CPLX2: variants seen among roughly 807,000 people sequenced by gnomAD.
CPLX2 encodes complexin-2.
Under a neutral mutation model 16.3 loss-of-function variants are expected in CPLX2, and 5 were observed. The observed-to-expected ratio is 0.31, with a 90% confidence interval of 0.16 to 0.64. CPLX2 has a LOEUF of 0.64. CPLX2 is among the 30% of genes least tolerant of loss of function. CPLX2 has a pLI of 0.79. For synonymous variants in CPLX2, 89 were observed against 73.2 expected, an observed-to-expected ratio of 1.22 and a Z score of -1.10; for missense variants, 144 against 181.4, an observed-to-expected ratio of 0.79 and a Z score of 1.18.
rs539082724 is a variant in CPLX2 at position 175,814,880 on chromosome 5, A to C, written c.-89+5812A>C. 5.3e-5 allele frequency among the ~76,000 whole-genome samples: 8 copies of C among 152,238 alleles called. No homozygotes were observed. In the South Asian group the frequency reaches 1.2e-3, roughly 24 times the overall value. On this transcript the variant is annotated intron_variant, in intron 2 of 4. Coordinates refer to the CPLX2 transcript ENST00000359546. ...CATGAGTCACAGCCCCAGGAGGGAG[A>C]CAGCTGGCTTGGCGTGGGTCCCGTG...
At chr5:175,867,747 G>A (rs1462865244), upstream of CPLX2, among the ~76,000 whole-genome samples, 4 of 151,268 alleles carry the variant, frequency 2.6e-5, no homozygotes, top group East Asian at 1.9e-4. Flanking sequence ...GACACACAGC[G>A]CCTGTGTCAC....
intron 1 of CPLX2, among the ~76,000 whole-genome samples, chr5:175,807,811 G>A (rs1206487722): frequency 1.3e-5 from 2 of 152,244 alleles, no homozygotes; most frequent in African/African-American, 4.8e-5. Flanking sequence ...CAAAGGAAGA[G>A]GGGAGGGAAG....
intron 2 of CPLX2, among the ~76,000 whole-genome samples, chr5:175,831,648 G>C (rs1758737612): frequency 6.6e-6 from 1 of 152,208 alleles, no homozygotes; most frequent in African/African-American, 2.4e-5. Flanking sequence ...GCCCAGCCCT[G>C]GTCCCGCAGA....
chr5:175,878,660 A>G lies in CPLX2; in HGVS notation c.-80A>G. 1 of 1,545,710 alleles carries G rather than the reference A, an allele frequency of 6.5e-7. No homozygotes were observed. Among genetic ancestry groups the G allele is most frequent in the Non-Finnish European group, 8.8e-7 (1 of 1,133,252 alleles). ...CCAATTCTCTTCTGCAGGTTGTCAC[A>G]TCTTCCCAAGCCAGGCCAGCCAGGA... On this transcript the variant is annotated 5_prime_UTR_variant, in exon 2 of 4. Transcript: ENST00000393745.
chr5:175,831,659 T>G (rs1171128061), intron 2 of CPLX2, among the ~76,000 whole-genome samples: 1 of 152,182 alleles, frequency 6.6e-6, no homozygotes, highest in Admixed American at 6.5e-5. Flanking sequence ...GTCCCGCAGA[T>G]ATCCCAAGAG....
chr5:175,826,423 G>A (rs554428173), intron 2 of CPLX2, among the ~76,000 whole-genome samples: 2 of 151,922 alleles, frequency 1.3e-5, no homozygotes, highest in Non-Finnish European at 2.9e-5. Flanking sequence ...AGGACTCCAC[G>A]CTTTGGTCAT....
At position 175,878,760 on chromosome 5, in the gene CPLX2, G is replaced by C. The variant is rs1483138462; in HGVS notation, c.21G>C (p.Gln7His). 1 of 1,613,572 alleles carries C rather than the reference G, an allele frequency of 6.2e-7. No individual in the cohort carries two copies. Residue 7 changes from glutamine to histidine, a missense_variant, in exon 2 of 4, where the codon CAG (glutamine) becomes CAC (histidine). By Grantham distance (24) the Gln-to-His change is conservative. Coordinates refer to ENST00000393745, the MANE Select transcript of CPLX2 (RefSeq NM_001008220.2). ...GCGGCATGGACTTCGTCATGAAGCAGGCCCTTGGAGGTGAGGTCCAGCGCC... is the reference window on the plus strand; with the variant it reads ...GCGGCATGGACTTCGTCATGAAGCACGCCCTTGGAGGTGAGGTCCAGCGCC... MDFVMK[Q>H]ALGGATKDMG...
chr5:175,874,623 G>C (rs141179801), intron 1 of CPLX2, among the ~76,000 whole-genome samples: 1 of 152,304 alleles, frequency 6.6e-6, no homozygotes, highest in African/African-American at 2.4e-5. Context: ...GGTGTGTGGG[G>C]AAAGCCAGGA....
chr5:175,879,059 G>A lies in CPLX2; in HGVS notation c.183G>A (p.Lys61=), dbSNP rs1165457827. ...CGCGCATGGAGGCGGAGCGGGAGAA[G>A]GTCCGGCAGCAGATCCGAGATAAGG... ...KHARMEAERE[K]VRQQIRDKYG... is the part of the protein sequence containing the mutation. The change falls in exon 3 of 4, where the codon AAG becomes AAA. Residue 61 remains lysine, a synonymous_variant. Transcript: ENST00000393745. The A allele has an allele frequency of 1.3e-6, 2 of 1,581,356 alleles. No homozygotes were observed. The highest frequency in any genetic ancestry group is 1.8e-5 in the Admixed American group (1 of 55,822).
intron 2 of CPLX2, 21 bp downstream of exon 2, chr5:175,878,791 G>C (rs377227199): frequency 6.2e-7 from 1 of 1,612,388 alleles, no homozygotes; most frequent in African/African-American, 1.3e-5. Context: ...GCGCCCCTCC[G>C]CGTGTCCTCA....
intron 2 of CPLX2, among the ~76,000 whole-genome samples, chr5:175,810,675 C>G (rs1758297130): frequency 6.6e-6 from 1 of 152,202 alleles, no homozygotes; most frequent in Non-Finnish European, 1.5e-5. Flanking sequence ...TAAGCCAGTT[C>G]CCTATCCATG....
chr5:175,843,297 C>A (rs182645715), intron 2 of CPLX2, among the ~76,000 whole-genome samples: 1 of 152,330 alleles, frequency 6.6e-6, no homozygotes, highest in East Asian at 1.9e-4. Context: ...AGCCAGAAAG[C>A]CCCAAGCTGT....
At chr5:175,867,547 G>T (rs1402870195), upstream of CPLX2, among the ~76,000 whole-genome samples, 1 of 152,016 alleles carries the variant, frequency 6.6e-6, no homozygotes, top group African/African-American at 2.4e-5. Context: ...GCTCTATGTG[G>T]TACTCTTGCC....
rs561826653 is a variant in CPLX2 at position 175,838,570 on chromosome 5, T to G, written c.-89+29502T>G. Among the ~76,000 whole-genome samples the G allele has an allele frequency of 9.2e-5, 14 of 152,206 alleles. No individual in the cohort carries two copies. In the East Asian group the frequency reaches 2.5e-3, roughly 27 times the overall value. On this transcript the variant is annotated intron_variant, in intron 2 of 4. Coordinates refer to the CPLX2 transcript ENST00000359546. ...ACCGCGCCCGGCCCCCCTTCTGTCT[T>G]TCATCTTTATACTTCCCCAGGGGTT... is the stretch of plus-strand genomic sequence containing the variant.
intron 1 of CPLX2, among the ~76,000 whole-genome samples, chr5:175,876,682 G>A (rs747299805): frequency 4.6e-5 from 7 of 152,122 alleles, no homozygotes; most frequent in African/African-American, 1.2e-4. Flanking sequence ...ACTAAAGCCC[G>A]GGTGCCCTGC....
At chr5:175,858,269 G>A (rs1475268574) in intron 2 of CPLX2, among the ~76,000 whole-genome samples, 2 of 152,198 alleles carry the variant, frequency 1.3e-5, no homozygotes, top group African/African-American at 4.8e-5. Context: ...GCTGGTGCCT[G>A]TGGTGGACAT....
chr5:175,874,172 G>C (rs1445974091), intron 1 of CPLX2, among the ~76,000 whole-genome samples: 2 of 152,186 alleles, frequency 1.3e-5, no homozygotes, highest in Non-Finnish European at 2.9e-5. Context: ...CCACGTGGAG[G>C]CTGGATGAGA....
chr5:175,808,121 G>A (rs59602354), intron 1 of CPLX2, among the ~76,000 whole-genome samples: 2,864 of 152,278 alleles, frequency 0.019, 99 homozygotes, highest in African/African-American at 0.065. Context: ...CGCCCAGTGG[G>A]GGCCTGGCTG....
At chr5:175,868,168 T>G (rs928608884), upstream of CPLX2, among the ~76,000 whole-genome samples, 1 of 152,220 alleles carries the variant, frequency 6.6e-6, no homozygotes. Flanking sequence ...TCAGAGCTGG[T>G]GCCTGGCATT....
Sources: allele counts gnomAD v4.1 joint callset (sites outside exome capture counted in the v4.1 genomes callset), GRCh38; gene constraint gnomAD v4.1.1; transcripts MANE v1.5; gene names NCBI Gene and HGNC (gene_info 2026-07-23, HGNC 2026-07-21).